CFAP95: variants seen among roughly 807,000 people sequenced by gnomAD.
CFAP95 encodes cilia and flagella associated protein 95.
chr9:69,838,715 A>G, the CFAP95 span, among the ~76,000 whole-genome samples: 10 of 149,572 alleles, frequency 6.7e-5, no homozygotes, highest in African/African-American at 9.9e-5. Context: ...CTAATTGAAT[A>G]CCCTTTATTT....
At chr9:69,889,103 T>C in the CFAP95 span, among the ~76,000 whole-genome samples, 162 of 152,336 alleles carry the variant, frequency 1.1e-3, no homozygotes, top group African/African-American at 3.6e-3. Context: ...TCCATCTTGC[T>C]TCTACCAGGC....
the CFAP95 span, among the ~76,000 whole-genome samples, chr9:69,859,964 G>A: frequency 6.6e-6 from 1 of 152,302 alleles, no homozygotes; most frequent in African/African-American, 2.4e-5. Context: ...TGGTACACCT[G>A]TATAGGGCAC....
chr9:69,854,370 G>A, the CFAP95 span, among the ~76,000 whole-genome samples: 1 of 152,278 alleles, frequency 6.6e-6, no homozygotes. Flanking sequence ...CTATGCTATA[G>A]CTAGTATAGC....
At chr9:69,857,760 G>A in the CFAP95 span, 24 of 600,054 alleles carry the variant, frequency 4.0e-5, no homozygotes, top group East Asian at 1.2e-4. Context: ...ACTCCTGAGC[G>A]CAGGCAATCC....
chr9:69,853,225 C>A, the CFAP95 span, among the ~76,000 whole-genome samples: 1 of 152,148 alleles, frequency 6.6e-6, no homozygotes, highest in Non-Finnish European at 1.5e-5. Context: ...AAATATATAA[C>A]CTGAGAAGTC....
At chr9:69,827,096 T>C in the CFAP95 span, among the ~76,000 whole-genome samples, 1 of 152,232 alleles carries the variant, frequency 6.6e-6, no homozygotes, top group Non-Finnish European at 1.5e-5. Context: ...GGAGCTAAGC[T>C]TGTGCTGTTC....
the CFAP95 span, among the ~76,000 whole-genome samples, chr9:69,821,607 G>A: frequency 6.6e-6 from 1 of 152,180 alleles, no homozygotes; most frequent in African/African-American, 2.4e-5. Context: ...GGGGTAGGGT[G>A]TACATGGAGT....
At chr9:69,823,580 A>C in the CFAP95 span, among the ~76,000 whole-genome samples, 1 of 152,200 alleles carries the variant, frequency 6.6e-6, no homozygotes, top group Non-Finnish European at 1.5e-5. Context: ...ACACCCTTTA[A>C]CACATGGCCT....
chr9:69,856,520 T>C, the CFAP95 span: 1 of 1,322,430 alleles, frequency 7.6e-7, no homozygotes, highest in Non-Finnish European at 1.1e-6. Flanking sequence ...GTAGTGAAAA[T>C]TCATTTTTCT....
chr9:69,899,339 A>G, the CFAP95 span, among the ~76,000 whole-genome samples: 7 of 152,228 alleles, frequency 4.6e-5, no homozygotes, highest in Non-Finnish European at 8.8e-5. Flanking sequence ...TATGCAGAGG[A>G]AATTTATCTA....
the CFAP95 span, among the ~76,000 whole-genome samples, chr9:69,875,835 G>A: frequency 1.9e-4 from 29 of 152,138 alleles, no homozygotes; most frequent in African/African-American, 6.5e-4. Context: ...TAAAGAAATG[G>A]TTTATCATGA....
chr9:69,864,794 G>T, the CFAP95 span, among the ~76,000 whole-genome samples: 12 of 152,144 alleles, frequency 7.9e-5, no homozygotes, highest in African/African-American at 2.9e-4. Flanking sequence ...CATGTAAATA[G>T]TAAGAAGGAT....
chr9:69,879,155 A>G, the CFAP95 span, among the ~76,000 whole-genome samples: 26 of 152,202 alleles, frequency 1.7e-4, no homozygotes, highest in Non-Finnish European at 3.4e-4. Flanking sequence ...AATATTCTAT[A>G]TGTTGTTAGG....
At chr9:69,848,100 A>C in the CFAP95 span, among the ~76,000 whole-genome samples, 1 of 152,166 alleles carries the variant, frequency 6.6e-6, no homozygotes, top group African/African-American at 2.4e-5. Context: ...TCTAAGTCTT[A>C]TCTGCAAGGA....
the CFAP95 span, among the ~76,000 whole-genome samples, chr9:69,877,869 G>A: frequency 2.0e-5 from 3 of 152,114 alleles, no homozygotes; most frequent in Non-Finnish European, 2.9e-5. Context: ...CTGTGACTGG[G>A]ACTATTTCAG....
the CFAP95 span, among the ~76,000 whole-genome samples, chr9:69,860,522 C>A: frequency 1.4e-4 from 21 of 151,702 alleles, no homozygotes; most frequent in Non-Finnish European, 2.9e-4. Flanking sequence ...GGTCAAACAT[C>A]AAAAATACAT....
At chr9:69,891,255 C>T in the CFAP95 span, among the ~76,000 whole-genome samples, 2 of 152,190 alleles carry the variant, frequency 1.3e-5, no homozygotes, top group Non-Finnish European at 2.9e-5. Context: ...TGTCCTACTA[C>T]TGGGACTCTA....
the CFAP95 span, among the ~76,000 whole-genome samples, chr9:69,853,228 G>A: frequency 1.3e-5 from 2 of 152,168 alleles, no homozygotes; most frequent in Admixed American, 6.5e-5. Context: ...TATATAACCT[G>A]AGAAGTCATA....
chr9:69,878,191 T>C, the CFAP95 span, among the ~76,000 whole-genome samples: 3 of 152,180 alleles, frequency 2.0e-5, no homozygotes, highest in African/African-American at 7.2e-5. Flanking sequence ...GGATCCTTAT[T>C]TTCTTGTGTT....
Sources: gnomAD v4.1 joint callset for allele counts (sites outside exome capture counted in the v4.1 genomes callset) on GRCh38, gnomAD v4.1.1 for gene constraint, MANE v1.5 for transcripts, NCBI Gene and HGNC (gene_info 2026-07-23, HGNC 2026-07-21) for gene names.